Variants in WNK1 observed in about 807,000 individuals in gnomAD.
The protein encoded by WNK1 is WNK lysine deficient protein kinase 1.
Under a neutral mutation model 222.8 loss-of-function variants are expected in WNK1, and 38 were observed. That is an observed-to-expected ratio of 0.17 (90% CI 0.13 to 0.22). The LOEUF (loss-of-function observed/expected upper bound fraction) is 0.22. WNK1 is among the 10% of genes least tolerant of loss of function. WNK1 has a pLI of 1.00. For missense variants in WNK1, 2,348 were observed against 2,918.4 expected (o/e 0.80, Z 4.50); for synonymous variants, 1,090 against 1,092.9 (o/e 1.00, Z 0.05).
rs577088610 is a variant in WNK1, at chr12:761,774, AC to A, written c.759+7451del. Among the ~76,000 whole-genome samples, 20 of 147,806 alleles carry A rather than the reference AC, an allele frequency of 1.4e-4. 3 individuals carry two copies. In the South Asian group the frequency reaches 1.6e-3, roughly 11 times the overall value. On this transcript the variant is annotated intron_variant, in intron 1 of 27. Coordinates refer to ENST00000315939, the MANE Select transcript of WNK1 (RefSeq NM_018979.4). ...TTATGTGGATCATCTCCTTCCATGG[AC>A]TGGTAGATTATTGTGGATTAAGGTA...
Position 891,085 on chromosome 12 carries a change from TAA to T in WNK1, c.5509+576_5509+577del, listed in dbSNP as rs758871053. Among the ~76,000 whole-genome samples the T allele has an allele frequency of 5.3e-5, 8 of 152,280 alleles. No homozygotes were observed. The South Asian group carries it at 1.7e-3, about 32-fold the overall frequency. On this transcript the variant is annotated intron_variant, in intron 22 of 27. Coordinates refer to ENST00000315939, the MANE Select transcript of WNK1 (RefSeq NM_018979.4). ...TGAAAATAATAAAGATTACTACCAA[TAA>T]AAAGAGAATGTAGAATATGAAAAAG...
At chr12:853,815 A>G (rs755988914) in intron 4 of WNK1, among the ~76,000 whole-genome samples, 5 of 152,088 alleles carry the variant, frequency 3.3e-5, no homozygotes, top group African/African-American at 7.2e-5. Context: ...CAGTGGCACA[A>G]TCATGGCTCA....
intron 4 of WNK1, among the ~76,000 whole-genome samples, chr12:843,725 A>G (rs1488590290): frequency 6.6e-6 from 1 of 152,222 alleles, no homozygotes; most frequent in Non-Finnish European, 1.5e-5. Context: ...TTAGCAAACC[A>G]ACCATGCAAA....
At chr12:881,469 C>T (rs1474740811) in intron 12 of WNK1, 1 of 567,342 alleles carries the variant, frequency 1.8e-6, no homozygotes, top group African/African-American at 1.9e-5. Flanking sequence ...GATATGTTGG[C>T]TGACCTCATA....
chr12:769,773 A>G lies in WNK1; in HGVS notation c.759+15449A>G, dbSNP rs1942246896. The stretch of plus-strand genomic sequence containing the variant: ...CATAATATATAAAGAACAGAAGTTT[A>G]TTTCCTCGCAGTTCTGTAGGCCTAG... On this transcript the variant is annotated intron_variant, in intron 1 of 27. Coordinates refer to ENST00000315939, the MANE Select transcript of WNK1 (RefSeq NM_018979.4). Among the ~76,000 whole-genome samples the G allele has an allele frequency of 2.0e-5, 3 of 152,148 alleles. No homozygotes were observed. The South Asian group carries it at 6.2e-4, about 32-fold the overall frequency.
chr12:815,746 G>C (rs959517988), intron 2 of WNK1, among the ~76,000 whole-genome samples: 1 of 152,172 alleles, frequency 6.6e-6, no homozygotes, highest in Non-Finnish European at 1.5e-5. Flanking sequence ...TCAACAGTTT[G>C]TCTGGCATGC....
chr12:893,620 G>A (rs10849579), intron 22 of WNK1, among the ~76,000 whole-genome samples: 64,417 of 150,796 alleles, frequency 0.43, 14,041 homozygotes, highest in East Asian at 0.53. Context: ...TCAGGAGATC[G>A]AGACCATCCT....
chr12:901,166 G>A, intron 26 of WNK1: 1 of 236,118 alleles, frequency 4.2e-6, no homozygotes, highest in East Asian at 1.0e-4. Context: ...TCCCACAGAG[G>A]AAAGAGCTTT....
intron 3 of WNK1, among the ~76,000 whole-genome samples, chr12:828,094 T>G (rs1948500201): frequency 1.3e-5 from 2 of 151,564 alleles, no homozygotes; most frequent in Non-Finnish European, 2.9e-5. Flanking sequence ...GGTCAGGAGT[T>G]TGAGACCAGT....
rs754529787 is a variant in WNK1 at position 753,747 on chromosome 12, T to C, written c.182T>C (p.Met61Thr). 6.2e-7 allele frequency: 1 copy of C among 1,612,196 alleles called. No homozygotes were observed. ...TEEYRRRRHT[M>T]DKDSRGAAAT... ...GAGTACAGGCGCCGCCGCCACACTA[T>C]GGACAAGGACAGCCGTGGGGCGGCC... Residue 61 changes from methionine to threonine, a missense_variant, in exon 1 of 28, where the codon ATG (methionine) becomes ACG (threonine). Transcript: ENST00000315939. This position sits in a 1 kb window ranked among gnomAD's most constrained non-coding sequence, Gnocchi z 5.2.
rs1466661707 is a variant in WNK1 at position 896,224 on chromosome 12, A to C, written c.5737A>C (p.Thr1913Pro). 6.2e-7 allele frequency: 1 copy of C among 1,614,190 alleles called. No individual in the cohort carries two copies. Among genetic ancestry groups the C allele is most frequent in the East Asian group, 2.2e-5 (1 of 44,882 alleles). ...TLVKPEPNGI[T>P]IPGISSDVPE... is the part of the protein sequence containing the mutation. ...GGTGAAACCAGAGCCGAATGGCATA[A>C]CCATCCCTGGTATCTCTTCAGATGT... The change falls in exon 24 of 28, where the codon ACC (threonine) becomes CCC (proline). Residue 1913 changes from threonine (T) to proline (P), a missense_variant. Coordinates refer to ENST00000315939, the MANE Select transcript of WNK1 (RefSeq NM_018979.4).
At chr12:867,344 G>A (rs924408561) in intron 8 of WNK1, among the ~76,000 whole-genome samples, 1 of 152,068 alleles carries the variant, frequency 6.6e-6, no homozygotes, top group Admixed American at 6.5e-5. Context: ...TGGTTAGAAG[G>A]CATACTATTA....
At chr12:898,187 G>A (rs990780854) in intron 25 of WNK1, among the ~76,000 whole-genome samples, 1 of 152,098 alleles carries the variant, frequency 6.6e-6, no homozygotes, top group African/African-American at 2.4e-5. Context: ...TTGGGTTAAA[G>A]AACTTGCTAG....
chr12:852,270 T>C (rs1044261754), intron 4 of WNK1, among the ~76,000 whole-genome samples: 3 of 152,182 alleles, frequency 2.0e-5, no homozygotes, highest in Non-Finnish European at 4.4e-5. Context: ...TTGATAAACA[T>C]TTGTCTTATA....
intron 1 of WNK1, among the ~76,000 whole-genome samples, chr12:762,062 AT>A (rs35813354): frequency 0.63 from 77,212 of 122,474 alleles, 25,554 homozygotes; most frequent in East Asian, 0.84. Flanking sequence ...TTTTAATTTA[AT>A]TTTTTTTTTT....
intron 8 of WNK1, among the ~76,000 whole-genome samples, chr12:865,905 A>C (rs1397038827): frequency 6.6e-6 from 1 of 152,138 alleles, no homozygotes; most frequent in African/African-American, 2.4e-5. Flanking sequence ...AGAACTACAT[A>C]ATGTTCCCCC....
chr12:873,969 A>C (rs905546355), intron 9 of WNK1, among the ~76,000 whole-genome samples: 5 of 152,016 alleles, frequency 3.3e-5, no homozygotes, highest in Admixed American at 3.3e-4. Context: ...GCAAGGTACC[A>C]AAAATAGCTG....
At position 885,271 on chromosome 12, in the gene WNK1, A is replaced by T; in HGVS notation, c.4467A>T (p.Leu1489Phe). The T allele has an allele frequency of 6.2e-7, 1 of 1,614,212 alleles. No individual in the cohort carries two copies. The highest frequency in any genetic ancestry group is 8.5e-7 in the Non-Finnish European group (1 of 1,180,034). The change falls in exon 19 of 28, where the codon TTA becomes TTT. Residue 1489 changes from leucine (L) to phenylalanine (F), a missense_variant. Leu to Phe is a conservative substitution (Grantham distance 22). Around this residue, in one of 13 missense-constraint regions of WNK1, gnomAD observed 1,144 missense variants for 1,273.6 expected, o/e 0.90. Coordinates refer to ENST00000315939, the MANE Select transcript of WNK1 (RefSeq NM_018979.4). ...AAGSTTVGAT[L>F]TSVSTTTSFP... is the part of the protein sequence containing the mutation. ...GCAGCACTACTGTGGGAGCCACATT[A>T]ACATCAGTTTCTACCACCACTTCAT... is the stretch of plus-strand genomic sequence containing the variant.
chr12:873,602 T>G lies in WNK1; in HGVS notation c.2223+2254T>G, dbSNP rs540521026. 6.6e-5 allele frequency among the ~76,000 whole-genome samples: 10 copies of G among 152,324 alleles called. No homozygotes were observed. The East Asian group carries it at 1.7e-3, about 26-fold the overall frequency. ...AACCCAGAATTCAAGATTCCTAGAA[T>G]AGTATTGTTTCTTCCATTTTAAATA... On this transcript the variant is annotated intron_variant, in intron 9 of 27. Transcript: ENST00000315939.
Sources: gnomAD v4.1 joint callset for allele counts (sites outside exome capture counted in the v4.1 genomes callset) on GRCh38, gnomAD v4.1.1 for gene constraint, gnomAD v4.1.1 regional missense constraint, Gnocchi (gnomAD v3.1) non-coding constraint, MANE v1.5 for transcripts, NCBI Gene and HGNC (gene_info 2026-07-23, HGNC 2026-07-21) for gene names.